The following FAT1 variants were observed in gnomAD, a reference collection of about 807,000 sequenced individuals.
FAT1 encodes FAT atypical cadherin 1.
In FAT1, 171 loss-of-function variants were observed where a neutral mutation model predicts 329.8. That is an observed-to-expected ratio of 0.52 (90% CI 0.46 to 0.59). The LOEUF (loss-of-function observed/expected upper bound fraction) is 0.59. Among genes scored for constraint, FAT1 ranks in the 20% least tolerant of loss-of-function variants. FAT1 has a pLI of 0.00. For synonymous variants in FAT1, 2,233 were observed against 2,228.6 expected (o/e 1.00, Z -0.06); for missense variants, 5,672 against 5,774.4 (o/e 0.98, Z 0.57).
At position 186,630,832 on chromosome 4, in the gene FAT1, C is replaced by T. The variant is rs140573612; in HGVS notation, c.4324-2069G>A. On this transcript the variant is annotated intron_variant, in intron 7 of 26. Coordinates refer to ENST00000441802, the MANE Select transcript of FAT1 (RefSeq NM_005245.4). ...ACCAAGTGATCTGCTCCAGAGGCCA[C>T]GATGCTGATGCTCGAGAGAAAGTTA... Among the ~76,000 whole-genome samples the T allele has an allele frequency of 1.9e-3, 283 of 151,968 alleles. 2 individuals carry two copies. The highest frequency in any genetic ancestry group is 5.9e-3 in the African/African-American group (245 of 41,422).
At chr4:186,649,665 T>C (rs1741543878) in intron 3 of FAT1, among the ~76,000 whole-genome samples, 1 of 152,136 alleles carries the variant, frequency 6.6e-6, no homozygotes, top group South Asian at 2.1e-4. Context: ...GGTCCTTCCT[T>C]AGCGCTTTCA....
At chr4:186,593,024 A>G (rs1050373755) in intron 26 of FAT1, among the ~76,000 whole-genome samples, 8 of 152,140 alleles carry the variant, frequency 5.3e-5, no homozygotes, top group Non-Finnish European at 2.9e-5. Context: ...TTAGCTTTAA[A>G]TTTTTTCACA....
intron 13 of FAT1, among the ~76,000 whole-genome samples, chr4:186,612,176 T>A (rs1003580392): frequency 2.0e-5 from 3 of 152,024 alleles, no homozygotes; most frequent in Non-Finnish European, 4.4e-5. Context: ...TAATATACAT[T>A]ATTCGCAAAT....
At chr4:186,700,071 C>G (rs1174821933) in intron 2 of FAT1, among the ~76,000 whole-genome samples, 1 of 152,140 alleles carries the variant, frequency 6.6e-6, no homozygotes, top group African/African-American at 2.4e-5. Flanking sequence ...TTGCCCCGTA[C>G]TAGATGGCCA....
At chr4:186,633,201 G>C (rs79860687) in intron 7 of FAT1, among the ~76,000 whole-genome samples, 71 of 152,026 alleles carry the variant, frequency 4.7e-4, no homozygotes, top group African/African-American at 1.6e-3. Flanking sequence ...CCCATAATCT[G>C]GCCATCTCAA....
chr4:186,616,651 G>A (rs914036045), intron 11 of FAT1, among the ~76,000 whole-genome samples: 3 of 152,148 alleles, frequency 2.0e-5, no homozygotes, highest in East Asian at 1.9e-4. Flanking sequence ...CCCCAAAACA[G>A]TGTCTCACGG....
upstream of FAT1, among the ~76,000 whole-genome samples, chr4:186,724,209 T>A: frequency 8.9e-6 from 1 of 112,932 alleles, no homozygotes; most frequent in African/African-American, 4.6e-5. This position sits in a 1 kb window ranked among gnomAD's most constrained non-coding sequence, Gnocchi z 5.3. Flanking sequence ...AAAAAAAGGC[T>A]GGGGCCTAAT....
chr4:186,716,280 G>A (rs1745201055), intron 1 of FAT1, among the ~76,000 whole-genome samples: 2 of 152,244 alleles, frequency 1.3e-5, no homozygotes, highest in Admixed American at 6.5e-5. Flanking sequence ...AGAACTCTGT[G>A]TTCTCCCTCA....
Position 186,609,839 on chromosome 4 carries a change from T to C in FAT1, c.10030A>G (p.Ile3344Val). The change falls in exon 15 of 27, where the codon ATC (isoleucine) becomes GTC (valine). Residue 3344 changes from isoleucine to valine, a missense_variant. By Grantham distance (29) the Ile-to-Val change is conservative. Around this residue, in one of 2 missense-constraint regions of FAT1, gnomAD observed 1,706 missense variants for 1,859.1 expected, o/e 0.92. Coordinates refer to ENST00000441802, the MANE Select transcript of FAT1 (RefSeq NM_005245.4). Reference protein sequence around the residue: ...VFSQDTYTTVISEDAVLEQSV... With the variant: ...VFSQDTYTTVVSEDAVLEQSV... ...TGCTCAAGAACGGCATCTTCACTGA[T>C]GACTGTCGTGTAGGTGTCTTGGCTG... 6.2e-7 allele frequency: 1 copy of C among 1,613,892 alleles called. No homozygotes were observed. Among genetic ancestry groups the C allele is most frequent in the Non-Finnish European group, 8.5e-7 (1 of 1,179,764 alleles).
At chr4:186,592,939 C>T (rs140777684) in intron 26 of FAT1, among the ~76,000 whole-genome samples, 31 of 152,154 alleles carry the variant, frequency 2.0e-4, no homozygotes, top group African/African-American at 6.3e-4. Context: ...CTTTTTTAAT[C>T]GAGCTATATA....
At chr4:186,606,985 A>T (rs1341583203) in intron 16 of FAT1, among the ~76,000 whole-genome samples, 1 of 152,248 alleles carries the variant, frequency 6.6e-6, no homozygotes, top group East Asian at 1.9e-4. Context: ...CACAATGGAC[A>T]GAAGTGTATT....
At position 186,707,078 on chromosome 4, in the gene FAT1, AGT is replaced by A; in HGVS notation, c.2748_2749del (p.Leu917ArgfsTer4). 6.2e-7 allele frequency: 1 copy of A among 1,613,984 alleles called. No homozygotes were observed. Among genetic ancestry groups the A allele is most frequent in the South Asian group, 1.1e-5 (1 of 91,072 alleles). On this transcript the variant is annotated frameshift_variant, in exon 2 of 27. Coordinates refer to ENST00000441802, the MANE Select transcript of FAT1 (RefSeq NM_005245.4). LOFTEE classifies it high-confidence loss of function. The stretch of plus-strand genomic sequence containing the variant: ...AGGTGGGTTGTCATTAACATCTTCT[AGT>A]GATACTTTCACAACGACAGTGGAGA...
chr4:186,645,407 A>C lies in FAT1; in HGVS notation c.3581-5624T>G, dbSNP rs1243347730. 1.9e-3 allele frequency among the ~76,000 whole-genome samples: 193 copies of C among 100,608 alleles called. 5 individuals are homozygous for C. Among genetic ancestry groups the C allele is most frequent in the African/African-American group, 7.0e-3 (183 of 25,992 alleles). 66.0% of individuals were successfully genotyped at this position (100,608 alleles called of 152,430 possible). A position where few individuals can be genotyped will look rare whatever the true frequency, so the allele number is the denominator to read the frequency against. On this transcript the variant is annotated intron_variant, in intron 3 of 26. Transcript: ENST00000441802. ...TATATATATATATATATATATATAT[A>C]TATATATATATATATGCCTGTAAAA...
At chr4:186,645,366 CATATATATATATATATATATAT>C (rs70964973) in intron 3 of FAT1, among the ~76,000 whole-genome samples, 1,104 of 35,438 alleles carry the variant, frequency 0.031, 43 homozygotes, top group African/African-American at 0.081. Context: ...TACTTCATTA[CATATATATATATATATATATAT>C]ATATATATAT....
Position 186,698,333 on chromosome 4 carries a change from G to A in FAT1, c.3265+8230C>T, listed in dbSNP as rs569338565. Among the ~76,000 whole-genome samples, 26 of 152,238 alleles carry A rather than the reference G, an allele frequency of 1.7e-4. 1 individual carries two copies. Among genetic ancestry groups the A allele is most frequent in the African/African-American group, 6.0e-4 (25 of 41,544 alleles). On this transcript the variant is annotated intron_variant, in intron 2 of 26. Transcript: ENST00000441802. ...CCTGGCTTGAAGGAAAGGTTTCCCC[G>A]GAGACCCCACGATGGCTTACCAGGC...
intron 12 of FAT1, among the ~76,000 whole-genome samples, chr4:186,613,783 C>T (rs986811182): frequency 6.6e-6 from 1 of 152,028 alleles, no homozygotes; most frequent in Admixed American, 6.6e-5. Context: ...AAATAAAATC[C>T]CATAAATCAT....
chr4:186,604,110 G>T, intron 18 of FAT1, 133 bp from the exon 19 acceptor site: 2 of 746,304 alleles, frequency 2.7e-6, no homozygotes, highest in South Asian at 1.9e-5. Flanking sequence ...CACAAGAAAC[G>T]TATCAAAGAA....
At chr4:186,611,972 C>G (rs1739469160) in intron 13 of FAT1, among the ~76,000 whole-genome samples, 197 bp from the exon 14 acceptor site, 1 of 151,784 alleles carries the variant, frequency 6.6e-6, no homozygotes, top group Non-Finnish European at 1.5e-5. Context: ...TACAGACACA[C>G]TGTAATTTTT....
At position 186,588,840 on chromosome 4, in the gene FAT1, C is replaced by G. The variant is rs772770486; in HGVS notation, c.13519G>C (p.Gly4507Arg). The change falls in exon 27 of 27, where the codon GGT (glycine) becomes CGT (arginine). Residue 4507 changes from glycine (G) to arginine (R), a missense_variant. Around this residue, in one of 2 missense-constraint regions of FAT1, gnomAD observed 1,706 missense variants for 1,859.1 expected, o/e 0.92. Transcript: ENST00000441802. ...GGTTCTCTACAAGTACTATTCTCAC[C>G]AGTGCCTTTTGTTTGAGGTTCAGAC... ...DMSEPQTKGT[G>R]ENSTCREPHA... The G allele has an allele frequency of 3.6e-5, 58 of 1,613,882 alleles. No homozygotes were observed. In the Middle Eastern group the frequency reaches 8.2e-4, roughly 23 times the overall value.
Sources: gnomAD v4.1 joint callset for allele counts (sites outside exome capture counted in the v4.1 genomes callset) on GRCh38, gnomAD v4.1.1 for gene constraint, gnomAD v4.1.1 regional missense constraint, Gnocchi (gnomAD v3.1) non-coding constraint, MANE v1.5 for transcripts, NCBI Gene and HGNC (gene_info 2026-07-23, HGNC 2026-07-21) for gene names.